Variants in MGLL observed in about 807,000 individuals in gnomAD.
MGLL encodes the protein monoglyceride lipase, also known as lysophospholipase homolog.
Under a neutral mutation model 29.1 loss-of-function variants are expected in MGLL, and 7 were observed. That is an observed-to-expected ratio of 0.24 (90% CI 0.14 to 0.45). MGLL has a LOEUF of 0.45. Among genes scored for constraint, MGLL ranks in the 20% least tolerant of loss-of-function variants. MGLL has a pLI of 0.99. For synonymous variants in MGLL, 148 were observed against 168.3 expected, an observed-to-expected ratio of 0.88 and a Z score of 0.93; for missense variants, 356 against 413.6, an observed-to-expected ratio of 0.86 and a Z score of 1.21.
chr3:127,782,472 T>C (rs2077144458), intron 2 of MGLL, among the ~76,000 whole-genome samples: 1 of 152,122 alleles, frequency 6.6e-6, no homozygotes, highest in Non-Finnish European at 1.5e-5. Context: ...TGTAACATGG[T>C]AAGAAGAGCA....
At chr3:127,775,586 T>G (rs959445122) in intron 3 of MGLL, among the ~76,000 whole-genome samples, 1 of 151,274 alleles carries the variant, frequency 6.6e-6, no homozygotes, top group African/African-American at 2.4e-5. Context: ...CCAGCTGAGT[T>G]AAAAAAAAAC....
Position 127,693,110 on chromosome 3 carries a change from G to A in MGLL, c.817-787C>T, listed in dbSNP as rs542425387. Among the ~76,000 whole-genome samples, 8 of 152,282 alleles carry A rather than the reference G, an allele frequency of 5.3e-5. No homozygotes were observed. The East Asian group carries it at 5.8e-4, about 11-fold the overall frequency. On this transcript the variant is annotated intron_variant, in intron 7 of 7. Transcript: ENST00000265052. ...GGCAGGGACCTCCAGACTTCAGTGC[G>A]ACGCTAATGGGCATCTCCAGGTGGA...
At chr3:127,722,895 A>C (rs1266133274) in intron 3 of MGLL, among the ~76,000 whole-genome samples, 1 of 152,190 alleles carries the variant, frequency 6.6e-6, no homozygotes, top group African/African-American at 2.4e-5. Context: ...CAGCATGCCC[A>C]GTGTTCTGCA....
chr3:127,734,836 G>C (rs2076216497), intron 3 of MGLL, among the ~76,000 whole-genome samples: 1 of 152,250 alleles, frequency 6.6e-6, no homozygotes, highest in South Asian at 2.1e-4. Context: ...GCTCTGGAGA[G>C]ATGGGAGCCC....
At chr3:127,729,584 G>A (rs1308151322) in intron 3 of MGLL, among the ~76,000 whole-genome samples, 1 of 152,140 alleles carries the variant, frequency 6.6e-6, no homozygotes, top group Non-Finnish European at 1.5e-5. Context: ...TCTATAAGAA[G>A]TTCCAAAATG....
chr3:127,702,854 C>T (rs2075520701), intron 6 of MGLL, among the ~76,000 whole-genome samples: 2 of 152,160 alleles, frequency 1.3e-5, no homozygotes, highest in Admixed American at 6.5e-5. Flanking sequence ...GCCACCATGC[C>T]CTGCTAATTT....
chr3:127,707,124 C>T (rs962028612), intron 6 of MGLL, among the ~76,000 whole-genome samples: 1 of 152,182 alleles, frequency 6.6e-6, no homozygotes, highest in Non-Finnish European at 1.5e-5. Context: ...AGCAGATGCG[C>T]AGGAAGGGCC....
intron 2 of MGLL, among the ~76,000 whole-genome samples, chr3:127,785,626 G>A (rs763796312): frequency 2.6e-5 from 4 of 152,246 alleles, no homozygotes; most frequent in Non-Finnish European, 4.4e-5. Context: ...AGGACCCTGC[G>A]CAAGTCGCCT....
chr3:127,722,365 C>A (rs911444201), intron 4 of MGLL, 65 bp downstream of exon 4: 65 of 1,609,206 alleles, frequency 4.0e-5, no homozygotes, highest in Non-Finnish European at 5.2e-5. Context: ...TCAGGGCCAC[C>A]CCCTTCCCCC....
intron 2 of MGLL, among the ~76,000 whole-genome samples, chr3:127,815,462 T>A (rs919710685): frequency 9.9e-5 from 15 of 152,224 alleles, no homozygotes; most frequent in African/African-American, 2.9e-4. Flanking sequence ...TCCATGTTCA[T>A]CTCTCCATCT....
intron 5 of MGLL, 29 bp downstream of exon 5, chr3:127,721,024 G>A (rs2107621988): frequency 1.3e-6 from 2 of 1,584,392 alleles, no homozygotes; most frequent in South Asian, 2.2e-5. Context: ...GAACCTGTAG[G>A]AATTGTACAG....
chr3:127,717,166 G>A (rs533942532), intron 5 of MGLL, among the ~76,000 whole-genome samples: 5 of 152,316 alleles, frequency 3.3e-5, no homozygotes, highest in Non-Finnish European at 5.9e-5. Flanking sequence ...TAAGTTCCGG[G>A]ATCCTGGGTC....
At chr3:127,764,305 G>A (rs990462738) in intron 3 of MGLL, among the ~76,000 whole-genome samples, 1 of 152,166 alleles carries the variant, frequency 6.6e-6, no homozygotes, top group Non-Finnish European at 1.5e-5. Context: ...GGAAGAAGTC[G>A]TGCCAGAGAG....
At chr3:127,726,149 AAAG>A (rs2076030735) in intron 3 of MGLL, among the ~76,000 whole-genome samples, 1 of 27,436 alleles carries the variant, frequency 3.6e-5, no homozygotes, top group South Asian at 8.5e-4. Context: ...AGAAAGAAAG[AAAG>A]AAAGAAAGAA....
chr3:127,780,538 A>G lies in MGLL; in HGVS notation c.262+1251T>C, dbSNP rs186770911. Among the ~76,000 whole-genome samples, 15 of 152,362 alleles carry G rather than the reference A, an allele frequency of 9.8e-5. No homozygotes were observed. In the East Asian group the frequency reaches 2.7e-3, roughly 27 times the overall value. On this transcript the variant is annotated intron_variant, in intron 3 of 7. Transcript: ENST00000265052. ...ATATTACTGGGACAGTTCGCAAAGC[A>G]CTAAAGAACGTCACAACTATGATAA... is the stretch of plus-strand genomic sequence containing the variant.
chr3:127,740,857 C>T (rs9756693), intron 3 of MGLL, among the ~76,000 whole-genome samples: 1,949 of 152,294 alleles, frequency 0.013, 37 homozygotes, highest in African/African-American at 0.041. Context: ...GAACACAGCA[C>T]GGGAAAAGTG....
At chr3:127,800,960 A>T (rs1481577399) in intron 2 of MGLL, among the ~76,000 whole-genome samples, 1 of 152,234 alleles carries the variant, frequency 6.6e-6, no homozygotes, top group Non-Finnish European at 1.5e-5. Flanking sequence ...TTTAGAAGTC[A>T]GAGAGAGTAC....
chr3:127,772,756 T>C lies in MGLL; in HGVS notation c.262+9033A>G, dbSNP rs561378830. Reference sequence around the variant, plus strand: ...AATCCCAACCCCAAAGGTGATGGTGTTGGGAGGTGGGGCCTTTGGGAGGTG... The same window carrying C: ...AATCCCAACCCCAAAGGTGATGGTGCTGGGAGGTGGGGCCTTTGGGAGGTG... On this transcript the variant is annotated intron_variant, in intron 3 of 7. Coordinates refer to ENST00000265052, the MANE Select transcript of MGLL (RefSeq NM_007283.7). Among the ~76,000 whole-genome samples, 9 of 152,224 alleles carry C rather than the reference T, an allele frequency of 5.9e-5. No individual in the cohort carries two copies. In the East Asian group the frequency reaches 1.7e-3, roughly 29 times the overall value.
rs545853423 is a variant in MGLL at position 127,696,396 on chromosome 3, C to CTTTTTTTTTTTTTTTT, written c.601-1222_601-1207dup. Among the ~76,000 whole-genome samples, 3 of 49,378 alleles carry CTTTTTTTTTTTTTTTT rather than the reference C, an allele frequency of 6.1e-5. 1 individual carries two copies. The highest frequency in any genetic ancestry group is 7.9e-5 in the Non-Finnish European group (2 of 25,230). 32.4% of individuals were successfully genotyped at this position (49,378 alleles called of 152,430 possible). On this transcript the variant is annotated intron_variant, in intron 6 of 7. Transcript: ENST00000265052. ...GGGCAGGAGTGAGCCCCTGATGCTT[C>CTTTTTTTTTTTTTTTT]TTTTTTTTTTTTTTTTTTTTTTTTT... is the stretch of plus-strand genomic sequence containing the variant.
Sources: allele counts gnomAD v4.1 joint callset (sites outside exome capture counted in the v4.1 genomes callset), GRCh38; gene constraint gnomAD v4.1.1; transcripts MANE v1.5; gene names NCBI Gene and HGNC (gene_info 2026-07-23, HGNC 2026-07-21).